NAV3: variants seen among roughly 807,000 people sequenced by gnomAD.
NAV3 encodes neuron navigator 3.
Under a neutral mutation model 244.7 loss-of-function variants are expected in NAV3, and 87 were observed. That is an observed-to-expected ratio of 0.36 (90% CI 0.30 to 0.42). NAV3 has a LOEUF of 0.42. Ranked by LOEUF, NAV3 falls within the 20% of genes least tolerant of loss-of-function variation. The pLI is 1.00. For synonymous variants in NAV3, 1,126 were observed against 1,042.2 expected, an observed-to-expected ratio of 1.08 and a Z score of -1.55; for missense variants, 2,663 against 2,893.3, an observed-to-expected ratio of 0.92 and a Z score of 1.83.
intron 1 of NAV3, among the ~76,000 whole-genome samples, chr12:77,875,074 A>G (rs1367446881): frequency 2.6e-5 from 4 of 152,174 alleles, no homozygotes; most frequent in Non-Finnish European, 5.9e-5. Flanking sequence ...AGTAGAAGCC[A>G]AATGGAGGTC....
Position 78,147,576 on chromosome 12 carries a change from G to A in NAV3, c.4707+1184G>A, listed in dbSNP as rs529693375. ...ATAGTCATTATCTTATAAATGTAAA[G>A]CAAATGTTATTTTAGACTGGGGTGT... On this transcript the variant is annotated intron_variant, in intron 21 of 39. Transcript: ENST00000397909. 4.7e-4 allele frequency among the ~76,000 whole-genome samples: 70 copies of A among 149,778 alleles called. 2 individuals are homozygous for A. The highest frequency in any genetic ancestry group is 7.4e-5 in the Non-Finnish European group (5 of 67,504).
intron 2 of NAV3, among the ~76,000 whole-genome samples, chr12:77,721,400 T>G (rs1225044046): frequency 6.6e-6 from 1 of 152,086 alleles, no homozygotes; most frequent in Non-Finnish European, 1.5e-5. Context: ...TATTGAAAAA[T>G]CTGGGTAATT....
At chr12:77,619,233 C>A (rs1308491002) in intron 2 of NAV3, among the ~76,000 whole-genome samples, 1 of 152,056 alleles carries the variant, frequency 6.6e-6, no homozygotes, top group Non-Finnish European at 1.5e-5. Context: ...CTCGTCAACC[C>A]CCCTTAGGTT....
At chr12:77,826,370 T>C (rs1268866245), upstream of NAV3, among the ~76,000 whole-genome samples, 1 of 151,946 alleles carries the variant, frequency 6.6e-6, no homozygotes, top group South Asian at 2.1e-4. Flanking sequence ...TGCACATCTG[T>C]AGTCCAAGCT....
intron 9 of NAV3, chr12:78,037,257 A>C (rs976007188): frequency 5.7e-6 from 4 of 703,016 alleles, no homozygotes; most frequent in Non-Finnish European, 1.0e-5. Context: ...CAAGCCAAGC[A>C]GCATCAGCAG....
At chr12:78,038,621 G>A (rs1241357639) in intron 9 of NAV3, among the ~76,000 whole-genome samples, 3 of 152,128 alleles carry the variant, frequency 2.0e-5, no homozygotes, top group African/African-American at 4.8e-5. Context: ...TACACCAGGT[G>A]CTCCAACACT....
intron 2 of NAV3, among the ~76,000 whole-genome samples, chr12:77,824,855 T>C (rs890313990): frequency 6.6e-5 from 10 of 151,818 alleles, no homozygotes; most frequent in African/African-American, 2.4e-4. Flanking sequence ...ATTGCACCAC[T>C]GCACTCCAGC....
At chr12:77,613,994 A>C (rs117998209) in intron 2 of NAV3, among the ~76,000 whole-genome samples, 1 of 151,582 alleles carries the variant, frequency 6.6e-6, no homozygotes, top group African/African-American at 2.4e-5. Context: ...TTGTCTTTCA[A>C]CACATATGGA....
chr12:78,010,047 T>C (rs185527372), intron 8 of NAV3, among the ~76,000 whole-genome samples: 10 of 152,274 alleles, frequency 6.6e-5, no homozygotes. Context: ...AGACCCTGTT[T>C]CTACAATAAA....
chr12:77,935,723 T>C (rs560392603), intron 1 of NAV3, among the ~76,000 whole-genome samples: 8 of 152,290 alleles, frequency 5.3e-5, no homozygotes, highest in African/African-American at 1.9e-4. Flanking sequence ...AGAGGTTTAA[T>C]AGACTCACAG....
At chr12:77,634,599 A>G (rs1354645938) in intron 2 of NAV3, among the ~76,000 whole-genome samples, 5 of 152,214 alleles carry the variant, frequency 3.3e-5, no homozygotes, top group Non-Finnish European at 7.3e-5. Flanking sequence ...TTTAATATGT[A>G]AAACATGAAA....
intron 39 of NAV3, among the ~76,000 whole-genome samples, chr12:78,209,885 G>C (rs778950274): frequency 2.0e-5 from 3 of 152,094 alleles, no homozygotes; most frequent in African/African-American, 7.2e-5. Flanking sequence ...ACCTCCTCCC[G>C]AGGTCAGCTC....
In NAV3 at chr12:78,086,970, A is replaced by G. The variant is rs190109524; in HGVS notation, c.2636+27855A>G. On this transcript the variant is annotated intron_variant, in intron 12 of 39. Transcript: ENST00000397909. ...GCCTATGAAGTCTTTAAAACTGTCA[A>G]TGAAACAATAGGTTTTCTACAGCCT... Among the ~76,000 whole-genome samples the G allele has an allele frequency of 7.1e-3, 1,073 of 152,122 alleles. 15 individuals carry two copies. Among genetic ancestry groups the G allele is most frequent in the African/African-American group, 0.024 (1,002 of 41,552 alleles).
intron 2 of NAV3, among the ~76,000 whole-genome samples, chr12:77,819,850 G>A (rs1032342420): frequency 4.6e-5 from 7 of 152,080 alleles, no homozygotes; most frequent in African/African-American, 1.7e-4. Flanking sequence ...ATATTTTAGG[G>A]CAACATATGT....
At chr12:77,782,284 C>T (rs1042794283) in intron 2 of NAV3, among the ~76,000 whole-genome samples, 2 of 149,406 alleles carry the variant, frequency 1.3e-5, no homozygotes, top group Admixed American at 1.3e-4. Context: ...CTTCCCGTCC[C>T]CTCCCCTCCC....
chr12:78,050,514 A>G, intron 10 of NAV3, among the ~76,000 whole-genome samples: 1 of 152,206 alleles, frequency 6.6e-6, no homozygotes, highest in Middle Eastern at 3.2e-3. Context: ...GGATTTGTTG[A>G]AAATGTAAAA....
intron 2 of NAV3, among the ~76,000 whole-genome samples, chr12:77,682,637 C>T (rs921146208): frequency 6.6e-6 from 1 of 152,170 alleles, no homozygotes; most frequent in Non-Finnish European, 1.5e-5. Context: ...CAAAGGTTCT[C>T]TTTTCTCCAC....
intron 2 of NAV3, among the ~76,000 whole-genome samples, chr12:77,731,673 G>A (rs1877132863): frequency 6.6e-6 from 1 of 151,906 alleles, no homozygotes; most frequent in Non-Finnish European, 1.5e-5. Context: ...AGAAGACGGA[G>A]CTAAAAGAGT....
At chr12:78,051,727 T>G (rs1187417710) in intron 11 of NAV3, among the ~76,000 whole-genome samples, 2 of 152,326 alleles carry the variant, frequency 1.3e-5, no homozygotes, top group South Asian at 4.1e-4. Flanking sequence ...TGTAAAACTC[T>G]TAGAGTATAT....
Sources: gnomAD v4.1 joint callset for allele counts (sites outside exome capture counted in the v4.1 genomes callset) on GRCh38, gnomAD v4.1.1 for gene constraint, MANE v1.5 for transcripts, NCBI Gene and HGNC (gene_info 2026-07-23, HGNC 2026-07-21) for gene names.